CTBP2: variants seen among roughly 807,000 people sequenced by gnomAD.
CTBP2 encodes C-terminal-binding protein 2.
Under a neutral mutation model 80.3 loss-of-function variants are expected in CTBP2, and 30 were observed. That is an observed-to-expected ratio of 0.37 (90% CI 0.28 to 0.51). The LOEUF is 0.51. Among genes scored for constraint, CTBP2 ranks in the 20% least tolerant of loss-of-function variants. CTBP2 has a pLI of 0.93. For synonymous variants in CTBP2, 594 were observed against 587.4 expected (o/e 1.01, Z -0.16); for missense variants, 1,212 against 1,375.3 (o/e 0.88, Z 1.88).
At chr10:124,995,390 T>TCC (rs1009936948) in intron 4 of CTBP2, among the ~76,000 whole-genome samples, 3 of 152,072 alleles carry the variant, frequency 2.0e-5, no homozygotes, top group African/African-American at 7.2e-5. Flanking sequence ...ACCCATGGGG[T>TCC]CCCCCTCGAT....
At chr10:125,064,516 C>T (rs561292992) in intron 2 of CTBP2, among the ~76,000 whole-genome samples, 1 of 152,238 alleles carries the variant, frequency 6.6e-6, no homozygotes, top group Non-Finnish European at 1.5e-5. Context: ...GGGAAGAGAG[C>T]CCCAACTCTA....
At chr10:125,080,409 TGA>T (rs2135551392) in intron 2 of CTBP2, among the ~76,000 whole-genome samples, 2 of 152,306 alleles carry the variant, frequency 1.3e-5, no homozygotes, top group South Asian at 4.1e-4. Flanking sequence ...GGCTGGGCCA[TGA>T]GAGTGCACTC....
At chr10:125,112,342 A>ACC (rs1020655842) in intron 1 of CTBP2, among the ~76,000 whole-genome samples, 1 of 151,022 alleles carries the variant, frequency 6.6e-6, no homozygotes, top group African/African-American at 2.4e-5. Flanking sequence ...TGAACTTCTG[A>ACC]CCTCAAGTGA....
chr10:125,002,092 C>T (rs58796909), intron 3 of CTBP2, among the ~76,000 whole-genome samples: 4,730 of 152,256 alleles, frequency 0.031, 252 homozygotes, highest in African/African-American at 0.11. Context: ...AAGAGCTGTT[C>T]CAAGGCCAGG....
chr10:125,038,268 G>A (rs1421003971), intron 3 of CTBP2, among the ~76,000 whole-genome samples: 3 of 152,152 alleles, frequency 2.0e-5, no homozygotes, highest in Non-Finnish European at 4.4e-5. Context: ...CGTGAAGGGT[G>A]CAGAGGGGGC....
At chr10:125,145,490 GGGGCAGGGTA>G (rs946189006) in intron 1 of CTBP2, among the ~76,000 whole-genome samples, 8 of 152,276 alleles carry the variant, frequency 5.3e-5, no homozygotes, top group Admixed American at 3.9e-4. Flanking sequence ...GCTGTCCCTT[GGGGCAGGGTA>G]GGGCAGGGCA....
intron 2 of CTBP2, among the ~76,000 whole-genome samples, chr10:125,083,981 A>G (rs956666344): frequency 2.0e-5 from 3 of 152,080 alleles, no homozygotes; most frequent in African/African-American, 4.8e-5. Context: ...GGGTTTCACT[A>G]TGTTGGCCAG....
At chr10:125,005,190 A>G (rs1046878889) in intron 1 of CTBP2, among the ~76,000 whole-genome samples, 1 of 152,182 alleles carries the variant, frequency 6.6e-6, no homozygotes, top group Admixed American at 6.5e-5. Context: ...ACTTGGGATA[A>G]TTGTCTCTTT....
intron 1 of CTBP2, among the ~76,000 whole-genome samples, chr10:125,024,853 G>C (rs761335740): frequency 3.9e-5 from 6 of 152,194 alleles, no homozygotes; most frequent in Non-Finnish European, 8.8e-5. Context: ...ATAATGATGT[G>C]ATCAGACTTC....
rs143764383 is a variant in CTBP2, at chr10:125,052,075, G to A, written c.-101-12920C>T. 1.0e-3 allele frequency among the ~76,000 whole-genome samples: 154 copies of A among 152,238 alleles called. 1 individual carries two copies. Among genetic ancestry groups the A allele is most frequent in the Admixed American group, 4.1e-3 (63 of 15,298 alleles). On this transcript the variant is annotated intron_variant, in intron 2 of 10. Coordinates refer to the CTBP2 transcript ENST00000337195. ...CTGTGGAACCTTCTTTCAGCAACCC[G>A]AGCACGCCAACACATGCCAACAGAC...
rs972587551 is a variant in CTBP2, at chr10:125,131,384, T to C, written c.-205-20291A>G. ...CCTAGCCGAACCCAAAGTGTTTAGG[T>C]GGATGCCATTTGGGTAGGTGTGAGG... On this transcript the variant is annotated intron_variant, in intron 1 of 10. Transcript: ENST00000337195. 6.6e-5 allele frequency among the ~76,000 whole-genome samples: 10 copies of C among 152,188 alleles called. No homozygotes were observed. The East Asian group carries it at 1.7e-3, about 26-fold the overall frequency.
chr10:125,087,672 T>C (rs1165400277), intron 2 of CTBP2, among the ~76,000 whole-genome samples: 2 of 152,232 alleles, frequency 1.3e-5, no homozygotes, highest in African/African-American at 4.8e-5. Context: ...TCTAGGAGTG[T>C]GCTGAATAAC....
At chr10:125,130,115 T>G (rs1855920198) in intron 1 of CTBP2, among the ~76,000 whole-genome samples, 1 of 151,328 alleles carries the variant, frequency 6.6e-6, no homozygotes, top group African/African-American at 2.4e-5. Flanking sequence ...TAGCATGATC[T>G]CGGCTCACTG....
chr10:125,074,579 C>G (rs891235787), intron 2 of CTBP2, among the ~76,000 whole-genome samples: 1 of 152,214 alleles, frequency 6.6e-6, no homozygotes, highest in African/African-American at 2.4e-5. Context: ...CTCCTGACTT[C>G]AGGTGATCCG....
At chr10:125,082,777 C>CGGG (rs1406881942) in intron 2 of CTBP2, among the ~76,000 whole-genome samples, 1 of 151,956 alleles carries the variant, frequency 6.6e-6, no homozygotes, top group Non-Finnish European at 1.5e-5. Context: ...TTGGTAGAGA[C>CGGG]GGGGTTTCAC....
At chr10:124,991,984 C>T (rs1006286019) in intron 8 of CTBP2, among the ~76,000 whole-genome samples, 1 of 151,730 alleles carries the variant, frequency 6.6e-6, no homozygotes, top group Non-Finnish European at 1.5e-5. Context: ...GTCTTTCCCC[C>T]ACTCTGCGTT....
chr10:125,156,123 C>T (rs1860873329), intron 1 of CTBP2, among the ~76,000 whole-genome samples: 1 of 152,146 alleles, frequency 6.6e-6, no homozygotes, highest in Non-Finnish European at 1.5e-5. Context: ...TATGTTCCAC[C>T]CTGTGTAACA....
At chr10:125,153,770 A>T (rs34480374) in intron 1 of CTBP2, among the ~76,000 whole-genome samples, 7,863 of 152,332 alleles carry the variant, frequency 0.052, 240 homozygotes, top group Middle Eastern at 0.071. Flanking sequence ...ATCTCCCTCC[A>T]CGGTCTAGGT....
chr10:124,989,707 C>T lies in CTBP2; in HGVS notation c.2778-9G>A, dbSNP rs375566697. ...CGATGCCTGGCGGATATCTAAGGAACACACAGAAATAGGGCCTTGTAAGTT... is the reference window on the plus strand; with the variant it reads ...CGATGCCTGGCGGATATCTAAGGAATACACAGAAATAGGGCCTTGTAAGTT... On this transcript the variant is annotated splice_polypyrimidine_tract_variant and intron_variant, in intron 8 of 8. Transcript: ENST00000309035. 5.0e-5 allele frequency: 78 copies of T among 1,560,046 alleles called. No individual in the cohort carries two copies. In the Admixed American group the frequency reaches 7.2e-4, roughly 14 times the overall value.
Sources: allele counts gnomAD v4.1 joint callset (sites outside exome capture counted in the v4.1 genomes callset), GRCh38; gene constraint gnomAD v4.1.1; transcripts MANE v1.5; gene names NCBI Gene and HGNC (gene_info 2026-07-23, HGNC 2026-07-21).